The following PSG11 variants were observed in gnomAD, a reference collection of about 807,000 sequenced individuals.
PSG11 encodes the protein pregnancy-specific beta-1-glycoprotein 11.
PSG11 carries 42 observed loss-of-function variants against 36.0 expected under a neutral mutation model. The ratio of observed to expected loss-of-function variants is 1.17; its 90% CI spans 0.91 to 1.51. The LOEUF (loss-of-function observed/expected upper bound fraction) is 1.51. Ranked by LOEUF, PSG11 falls within the 40% of genes most tolerant of loss-of-function variation. PSG11 has a pLI of 0.00. For synonymous variants in PSG11, 206 were observed against 153.5 expected, an observed-to-expected ratio of 1.34 and a Z score of -2.53; for missense variants, 558 against 403.5, an observed-to-expected ratio of 1.38 and a Z score of -3.28.
chr19:43,009,192 A>G (rs1343880347), intron 5 of PSG11, among the ~76,000 whole-genome samples: 2 of 151,410 alleles, frequency 1.3e-5, no homozygotes, highest in Non-Finnish European at 2.9e-5. Flanking sequence ...TCAGGAAAAG[A>G]TCTCAACCAC....
chr19:43,015,712 C>T lies in PSG11; in HGVS notation c.710-342G>A, dbSNP rs182778658. 3.4e-5 allele frequency: 54 copies of T among 1,598,886 alleles called. 3 individuals are homozygous for T. The African/African-American group carries it at 6.4e-4, about 19-fold the overall frequency. Reference sequence around the variant, plus strand: ...CCGGAGAGAGACTGAGAGGCCTGGCCCCTGGTCGTTTGGATTTAAGCTGGT... The same window carrying T: ...CCGGAGAGAGACTGAGAGGCCTGGCTCCTGGTCGTTTGGATTTAAGCTGGT... On this transcript the variant is annotated intron_variant, in intron 3 of 5. Coordinates refer to ENST00000320078, the MANE Select transcript of PSG11 (RefSeq NM_002785.3).
chr19:43,021,032 G>T (rs560126325), intron 2 of PSG11, among the ~76,000 whole-genome samples: 5 of 151,450 alleles, frequency 3.3e-5, no homozygotes, highest in East Asian at 1.9e-4. Context: ...GGAAACAGTT[G>T]TATGTGGCAC....
intron 1 of PSG11, among the ~76,000 whole-genome samples, chr19:43,025,936 C>CTTTTTTTT (rs1195259262): frequency 2.9e-4 from 20 of 68,142 alleles, no homozygotes; most frequent in African/African-American, 3.9e-4. Flanking sequence ...TTTTTTTTCT[C>CTTTTTTTT]TTTTTTTTTT....
At chr19:43,017,816 C>T (rs1967003984) in intron 3 of PSG11, among the ~76,000 whole-genome samples, 1 of 151,470 alleles carries the variant, frequency 6.6e-6, no homozygotes, top group African/African-American at 2.4e-5. Flanking sequence ...AAGGTATAAT[C>T]ATTTGACCTT....
In PSG11 at chr19:43,014,424, C is replaced by T. The variant is rs922723507; in HGVS notation, c.964+692G>A. The T allele has an allele frequency of 5.6e-5, 53 of 952,906 alleles. 2 individuals carry two copies. In the South Asian group the frequency reaches 9.3e-4, roughly 17 times the overall value. The allele number at this position is 952,906 out of a possible 1,614,324, so 59.0% of individuals were successfully genotyped here. On this transcript the variant is annotated intron_variant, in intron 4 of 5. Transcript: ENST00000320078. ...TGCTGTGCCCACAGCCTCATACAGC[C>T]AGTGACTTCAGAGCCAGGACGCAGC...
At chr19:43,016,655 T>C (rs950525031) in intron 3 of PSG11, among the ~76,000 whole-genome samples, 3 of 151,404 alleles carry the variant, frequency 2.0e-5, no homozygotes, top group African/African-American at 4.9e-5. Flanking sequence ...TTGCAGGTGT[T>C]TCATGATGAC....
chr19:43,023,396 G>T (rs1251732486), intron 2 of PSG11, among the ~76,000 whole-genome samples: 1 of 150,836 alleles, frequency 6.6e-6, no homozygotes, highest in African/African-American at 2.5e-5. Flanking sequence ...AGAAAACAAG[G>T]TCCTCTCCTT....
rs1463329751 is a variant in PSG11 at position 43,010,921 on chromosome 19, A to C, written c.965-880T>G. Among the ~76,000 whole-genome samples the C allele has an allele frequency of 4.0e-5, 6 of 149,232 alleles. 1 individual carries two copies. In the East Asian group the frequency reaches 1.2e-3, roughly 29 times the overall value. On this transcript the variant is annotated intron_variant, in intron 4 of 5. Transcript: ENST00000320078. ...TATATATATATATATATATGGAAAA[A>C]GGAAGGTACTGTTGAGGGGCACTTC...
intron 4 of PSG11, among the ~76,000 whole-genome samples, chr19:43,013,772 C>G (rs1966888981): frequency 6.6e-6 from 1 of 151,316 alleles, no homozygotes; most frequent in African/African-American, 2.4e-5. Flanking sequence ...CACTTCTGGA[C>G]ATACTCCCCA....
intron 5 of PSG11, among the ~76,000 whole-genome samples, chr19:43,009,689 G>T (rs1974023431): frequency 6.6e-6 from 1 of 151,312 alleles, no homozygotes; most frequent in Non-Finnish European, 1.5e-5. Context: ...AAATAATGAA[G>T]AAGGTTTCAC....
Position 43,023,470 on chromosome 19 carries a change from G to C in PSG11, c.430+1221C>G, listed in dbSNP as rs1022121884. 6.0e-5 allele frequency among the ~76,000 whole-genome samples: 9 copies of C among 150,864 alleles called. 2 individuals are homozygous for C. The highest frequency in any genetic ancestry group is 1.2e-4 in the African/African-American group (5 of 40,788). On this transcript the variant is annotated intron_variant, in intron 2 of 5. Coordinates refer to ENST00000320078, the MANE Select transcript of PSG11 (RefSeq NM_002785.3). ...ACAGAGTTTCAGGTTCAGTGATGGGGGTTAAGATCTGAGGGGGAGGCCTGG... is the reference window on the plus strand; with the variant it reads ...ACAGAGTTTCAGGTTCAGTGATGGGCGTTAAGATCTGAGGGGGAGGCCTGG...
At chr19:43,012,869 C>G (rs1212200153) in intron 4 of PSG11, among the ~76,000 whole-genome samples, 1 of 151,378 alleles carries the variant, frequency 6.6e-6, no homozygotes, top group African/African-American at 2.4e-5. Context: ...CTCAGACTTC[C>G]TGATTTCAGC....
In PSG11 at chr19:43,018,896, G is replaced by T; in HGVS notation, c.583C>A (p.Leu195Met). The change falls in exon 3 of 6, where the codon CTG (leucine) becomes ATG (methionine). Residue 195 changes from leucine to methionine, a missense_variant. Coordinates refer to ENST00000320078, the MANE Select transcript of PSG11 (RefSeq NM_002785.3). ...QSLPMTHRMQ[L>M]SETNRTLFLF... Reference sequence around the variant, plus strand: ...AAGAGGGTCCTGTTGGTTTCAGACAGCTGCATCCTATGAGTCATAGGGAGG... The same window carrying T: ...AAGAGGGTCCTGTTGGTTTCAGACATCTGCATCCTATGAGTCATAGGGAGG... 2.5e-6 allele frequency: 4 copies of T among 1,612,130 alleles called. No homozygotes were observed. The highest frequency in any genetic ancestry group is 3.4e-6 in the Non-Finnish European group (4 of 1,179,074).
At chr19:43,016,045 G>C in intron 3 of PSG11, 1 of 1,608,308 alleles carries the variant, frequency 6.2e-7, no homozygotes, top group Non-Finnish European at 8.5e-7. Flanking sequence ...GGGCAGCTTT[G>C]CTGTGTGGAT....
At chr19:43,012,517 A>G (rs1974102624) in intron 4 of PSG11, among the ~76,000 whole-genome samples, 1 of 150,920 alleles carries the variant, frequency 6.6e-6, no homozygotes, top group Non-Finnish European at 1.5e-5. Context: ...TCTGAAGGGA[A>G]GTTAAGAAAA....
At position 43,009,210 on chromosome 19, in the gene PSG11, T is replaced by C. The variant is rs372055442; in HGVS notation, c.*40+748A>G. On this transcript the variant is annotated intron_variant, in intron 5 of 5. Transcript: ENST00000320078. ...GGAAAAGATCTCAACCACACATAGG[T>C]TGTGTCCTGAGTCTCAGGTTCACAT... Among the ~76,000 whole-genome samples the C allele has an allele frequency of 1.7e-3, 255 of 151,456 alleles. 5 individuals carry two copies. The highest frequency in any genetic ancestry group is 5.7e-3 in the African/African-American group (235 of 41,112).
intron 3 of PSG11, among the ~76,000 whole-genome samples, chr19:43,016,642 G>T (rs1245312650): frequency 2.0e-5 from 3 of 151,490 alleles, no homozygotes; most frequent in African/African-American, 7.3e-5. Flanking sequence ...GTGGGGCAGT[G>T]TTTTGCAGGT....
rs1228268101 is a variant in PSG11, at chr19:43,019,283, G to T, written c.431-235C>A. On this transcript the variant is annotated intron_variant, in intron 2 of 5. Coordinates refer to ENST00000320078, the MANE Select transcript of PSG11 (RefSeq NM_002785.3). ...TTTCTCAGGTGTGAATTGAGCAGCA[G>T]CATTGGGTCATGGAAAGACACAGGA... is the stretch of plus-strand genomic sequence containing the variant. 4.9e-5 allele frequency: 45 copies of T among 914,710 alleles called. 1 individual carries two copies. The highest frequency in any genetic ancestry group is 7.0e-5 in the Non-Finnish European group (45 of 645,296). 56.7% of individuals were successfully genotyped at this position (914,710 alleles called of 1,614,324 possible).
intron 3 of PSG11, among the ~76,000 whole-genome samples, chr19:43,016,408 C>A (rs984046537): frequency 6.6e-6 from 1 of 151,170 alleles, no homozygotes; most frequent in African/African-American, 2.4e-5. Context: ...TGCTGGGCCC[C>A]TTCCAAATTC....
Sources: allele counts gnomAD v4.1 joint callset (sites outside exome capture counted in the v4.1 genomes callset), GRCh38; gene constraint gnomAD v4.1.1; transcripts MANE v1.5; gene names NCBI Gene and HGNC (gene_info 2026-07-23, HGNC 2026-07-21).